The following ARHGAP15 variants were observed in gnomAD, a reference collection of about 807,000 sequenced individuals.
ARHGAP15 encodes the protein rho GTPase-activating protein 15.
ARHGAP15 carries 51 observed loss-of-function variants against 63.7 expected under a neutral mutation model. The ratio of observed to expected loss-of-function variants is 0.80; its 90% CI spans 0.64 to 1.01. The LOEUF (loss-of-function observed/expected upper bound fraction) is 1.01, where lower values mean the gene tolerates loss of function less well. ARHGAP15 is among the 50% of genes least tolerant of loss of function. The pLI, the probability that ARHGAP15 is intolerant of heterozygous loss-of-function variation, is 0.00. For missense variants in ARHGAP15, 560 were observed against 564.6 expected (o/e 0.99, Z 0.08); for synonymous variants, 191 against 193.8 (o/e 0.99, Z 0.12).
intron 6 of ARHGAP15, among the ~76,000 whole-genome samples, chr2:143,282,831 C>A (rs576627060): frequency 6.6e-6 from 1 of 152,246 alleles, no homozygotes; most frequent in South Asian, 2.1e-4. Context: ...AGAAGGTTAG[C>A]CCTTTTCTGG....
intron 2 of ARHGAP15, chr2:143,171,841 G>A (rs1210029829): frequency 1.3e-5 from 2 of 151,998 alleles, no homozygotes; most frequent in Non-Finnish European, 2.9e-5. Flanking sequence ...AATCTGTAGT[G>A]GGTTTTTTTC....
chr2:143,685,308 A>T (rs768449143), intron 12 of ARHGAP15, among the ~76,000 whole-genome samples: 1 of 152,228 alleles, frequency 6.6e-6, no homozygotes, highest in South Asian at 2.1e-4. Flanking sequence ...CACTGCCTGG[A>T]AAGTCCAAGT....
chr2:143,456,831 T>C (rs938197422), intron 8 of ARHGAP15, among the ~76,000 whole-genome samples: 1 of 3,108 alleles, frequency 3.2e-4, no homozygotes, highest in Non-Finnish European at 5.9e-4. Flanking sequence ...TGTACATGTG[T>C]TTTGAAAGAC....
At chr2:143,541,260 T>A (rs1240821008) in intron 10 of ARHGAP15, among the ~76,000 whole-genome samples, 1 of 152,222 alleles carries the variant, frequency 6.6e-6, no homozygotes, top group Non-Finnish European at 1.5e-5. Context: ...GCATTGGTTA[T>A]TCTAGTTATC....
chr2:143,401,741 A>T (rs1316003204), intron 6 of ARHGAP15, among the ~76,000 whole-genome samples: 1 of 151,954 alleles, frequency 6.6e-6, no homozygotes, highest in Non-Finnish European at 1.5e-5. Context: ...AATCCTGTGC[A>T]GATGTAATTG....
intron 13 of ARHGAP15, among the ~76,000 whole-genome samples, chr2:143,708,628 T>A (rs1183851938): frequency 6.6e-6 from 1 of 151,916 alleles, no homozygotes; most frequent in Non-Finnish European, 1.5e-5. Context: ...TAGTTCCAAC[T>A]CTTTTCACCC....
intron 6 of ARHGAP15, among the ~76,000 whole-genome samples, chr2:143,413,119 C>A (rs983634231): frequency 1.3e-5 from 2 of 152,092 alleles, no homozygotes; most frequent in African/African-American, 4.8e-5. Context: ...TATTAAAAAT[C>A]TTTTTGAATC....
At chr2:143,371,552 T>C (rs1336352339) in intron 6 of ARHGAP15, among the ~76,000 whole-genome samples, 4 of 152,160 alleles carry the variant, frequency 2.6e-5, no homozygotes, top group African/African-American at 4.8e-5. Flanking sequence ...TACATTCAGA[T>C]TATATACATA....
intron 2 of ARHGAP15, among the ~76,000 whole-genome samples, chr2:143,190,000 G>T (rs1691617024): frequency 6.6e-6 from 1 of 151,382 alleles, no homozygotes; most frequent in African/African-American, 2.4e-5. Flanking sequence ...GCTTACTTTG[G>T]GTTTCTTTCT....
intron 13 of ARHGAP15, among the ~76,000 whole-genome samples, chr2:143,753,302 G>A (rs74571023): frequency 0.013 from 1,931 of 152,284 alleles, 49 homozygotes; most frequent in African/African-American, 0.044. Context: ...GGAGATCTAA[G>A]TGGCCCATCT....
chr2:143,264,833 GATA>G (rs754716927), intron 6 of ARHGAP15, among the ~76,000 whole-genome samples: 2 of 152,108 alleles, frequency 1.3e-5, no homozygotes, highest in Non-Finnish European at 2.9e-5. Flanking sequence ...TTGGAAAAAA[GATA>G]ATGAGACCAC....
intron 1 of ARHGAP15, among the ~76,000 whole-genome samples, chr2:143,135,419 C>T (rs1399125143): frequency 6.6e-6 from 1 of 152,118 alleles, no homozygotes; most frequent in Admixed American, 6.5e-5. Flanking sequence ...TCTAAGTATA[C>T]TATGTTGTCC....
intron 10 of ARHGAP15, among the ~76,000 whole-genome samples, chr2:143,523,168 C>T (rs920160346): frequency 6.6e-6 from 1 of 151,988 alleles, no homozygotes; most frequent in Non-Finnish European, 1.5e-5. Context: ...CTATTGAGTA[C>T]CTACTTTGTG....
Position 143,577,524 on chromosome 2 carries a change from G to A in ARHGAP15, c.1003+21039G>A, listed in dbSNP as rs185458209. 6.6e-4 allele frequency among the ~76,000 whole-genome samples: 100 copies of A among 152,114 alleles called. 1 individual carries two copies. The highest frequency in any genetic ancestry group is 2.2e-3 in the Admixed American group (34 of 15,262). ...TAAATTCTGAAGCTTAAACAGAATC[G>A]TAAGGCCTAACCTCTCTCGGTCTCT... On this transcript the variant is annotated intron_variant, in intron 11 of 13. Coordinates refer to ENST00000295095, the MANE Select transcript of ARHGAP15 (RefSeq NM_018460.4).
chr2:143,277,263 G>GA (rs939177263), intron 6 of ARHGAP15, among the ~76,000 whole-genome samples: 19 of 151,646 alleles, frequency 1.3e-4, no homozygotes, highest in African/African-American at 4.1e-4. Flanking sequence ...TCCTCAGTAA[G>GA]AAAAAATGGG....
intron 1 of ARHGAP15, among the ~76,000 whole-genome samples, chr2:143,143,522 A>G (rs1189876944): frequency 6.6e-6 from 1 of 150,566 alleles, no homozygotes; most frequent in African/African-American, 2.4e-5. Context: ...TTTTTTTCTC[A>G]CACCAAACTT....
rs149041513 is a variant in ARHGAP15 at position 143,160,516 on chromosome 2, T to A, written c.165+4861T>A. ...GGAGGGCAATTTTGTTGAGATTTTTTAATATTTTCTATATACATTAGGAGT... is the reference window on the plus strand; with the variant it reads ...GGAGGGCAATTTTGTTGAGATTTTTAAATATTTTCTATATACATTAGGAGT... On this transcript the variant is annotated intron_variant, in intron 2 of 13. Coordinates refer to ENST00000295095, the MANE Select transcript of ARHGAP15 (RefSeq NM_018460.4). 6.3e-4 allele frequency among the ~76,000 whole-genome samples: 96 copies of A among 152,100 alleles called. 2 individuals are homozygous for A. The highest frequency in any genetic ancestry group is 2.1e-3 in the African/African-American group (88 of 41,548).
chr2:143,648,015 C>A (rs1357429479), intron 12 of ARHGAP15, among the ~76,000 whole-genome samples: 1 of 151,964 alleles, frequency 6.6e-6, no homozygotes, highest in African/African-American at 2.4e-5. Flanking sequence ...AATATTAGTC[C>A]ACTCAGAGGA....
In ARHGAP15 at chr2:143,313,175, A is replaced by C. The variant is rs78936465; in HGVS notation, c.474+62575A>C. Among the ~76,000 whole-genome samples, 555 of 152,296 alleles carry C rather than the reference A, an allele frequency of 3.6e-3. 5 individuals carry two copies. The highest frequency in any genetic ancestry group is 0.013 in the African/African-American group (525 of 41,584). ...ATGAGAGAGAAAAAAAGAAAAACTTAGCTTGGGTAGCATAATATGGAAGAC... is the reference window on the plus strand; with the variant it reads ...ATGAGAGAGAAAAAAAGAAAAACTTCGCTTGGGTAGCATAATATGGAAGAC... On this transcript the variant is annotated intron_variant, in intron 6 of 13. Transcript: ENST00000295095.
Sources: gnomAD v4.1 joint callset for allele counts (sites outside exome capture counted in the v4.1 genomes callset) on GRCh38, gnomAD v4.1.1 for gene constraint, MANE v1.5 for transcripts, NCBI Gene and HGNC (gene_info 2026-07-23, HGNC 2026-07-21) for gene names.